SSH1: variants seen among roughly 807,000 people sequenced by gnomAD.
SSH1 encodes protein phosphatase Slingshot homolog 1.
A neutral mutation model predicts 79.7 loss-of-function variants in SSH1; 43 were observed. The ratio of observed to expected loss-of-function variants is 0.54; its 90% CI spans 0.42 to 0.70. The LOEUF (loss-of-function observed/expected upper bound fraction) is 0.70. SSH1 is among the 30% of genes least tolerant of loss of function. The pLI is 0.00. For missense variants in SSH1, 1,206 were observed against 1,358.8 expected (o/e 0.89, Z 1.77); for synonymous variants, 599 against 538.3 (o/e 1.11, Z -1.56).
chr12:108,854,444 G>A (rs1193546291), intron 1 of SSH1, among the ~76,000 whole-genome samples: 2 of 152,216 alleles, frequency 1.3e-5, no homozygotes, highest in Non-Finnish European at 2.9e-5. Context: ...CAAAGGAACT[G>A]AGATAAGATT....
chr12:108,801,021 A>C, intron 11 of SSH1, 95 bp from the exon 12 acceptor site: 1 of 1,259,790 alleles, frequency 7.9e-7, no homozygotes, highest in Non-Finnish European at 1.1e-6. Context: ...AAAAGGAAAC[A>C]CACATTAACC....
intron 2 of SSH1, among the ~76,000 whole-genome samples, chr12:108,844,584 T>G (rs1017945018): frequency 6.6e-6 from 1 of 152,238 alleles, no homozygotes; most frequent in Non-Finnish European, 1.5e-5. Context: ...ACAGATTGAC[T>G]GGTGGGCAGA....
chr12:108,820,798 G>C (rs1180914354), intron 3 of SSH1, among the ~76,000 whole-genome samples: 1 of 152,174 alleles, frequency 6.6e-6, no homozygotes, highest in Non-Finnish European at 1.5e-5. Flanking sequence ...GGAAAAAAAG[G>C]AACTAACGTA....
At chr12:108,833,757 T>G (rs1309189044) in intron 2 of SSH1, 1 of 152,254 alleles carries the variant, frequency 6.6e-6, no homozygotes, top group Admixed American at 6.5e-5. Context: ...TAAGATGCAG[T>G]AAGTGTGACC....
intron 2 of SSH1, 72 bp from the exon 3 acceptor site, chr12:108,823,433 G>T: frequency 7.7e-7 from 1 of 1,297,522 alleles, no homozygotes. Context: ...ATTACTGCAG[G>T]GGAAAAAGCT....
intron 14 of SSH1, chr12:108,791,873 G>C (rs1196272305): frequency 8.5e-7 from 1 of 1,176,456 alleles, no homozygotes; most frequent in African/African-American, 1.6e-5. Flanking sequence ...GGGGAAGTGG[G>C]TGGTAGGGGT....
chr12:108,816,644 CG>C (rs552583409), intron 5 of SSH1, among the ~76,000 whole-genome samples: 56 of 152,300 alleles, frequency 3.7e-4, no homozygotes, highest in Admixed American at 2.9e-3. Context: ...TACTTCTCCC[CG>C]GGCCCCTCTG....
At position 108,788,722 on chromosome 12, in the gene SSH1, G is replaced by T. The variant is rs1417346719; in HGVS notation, c.2416C>A (p.Leu806Met). The change falls in exon 15 of 15, where the codon CTG (leucine) becomes ATG (methionine). Residue 806 changes from leucine (L) to methionine (M), a missense_variant. By Grantham distance (15) the Leu-to-Met change is conservative. Transcript: ENST00000326495. ...ESEKPTTNSYLMQHQESIIQL... is the reference protein window; with the variant it reads ...ESEKPTTNSYMMQHQESIIQL... Reference sequence around the variant, plus strand: ...ATGATGGACTCCTGGTGCTGCATCAGGTAGCTGTTGGTTGTCGGCTTCTCA... The same window carrying T: ...ATGATGGACTCCTGGTGCTGCATCATGTAGCTGTTGGTTGTCGGCTTCTCA... The T allele has an allele frequency of 6.2e-7, 1 of 1,614,254 alleles. No individual in the cohort carries two copies. Among genetic ancestry groups the T allele is most frequent in the East Asian group, 2.2e-5 (1 of 44,888 alleles).
At chr12:108,791,907 A>T (rs892042419) in intron 14 of SSH1, 1 of 1,296,098 alleles carries the variant, frequency 7.7e-7, no homozygotes, top group African/African-American at 1.5e-5. Context: ...ATAGTCATAT[A>T]TCGATAAAGG....
chr12:108,838,343 G>A (rs184319269), intron 2 of SSH1, among the ~76,000 whole-genome samples: 13 of 152,338 alleles, frequency 8.5e-5, no homozygotes, highest in African/African-American at 2.9e-4. Context: ...CAGAGCAGAA[G>A]AGAACGATGA....
In SSH1 at chr12:108,857,237, C is replaced by T. The variant is rs1377274525; in HGVS notation, c.69+191G>A. On this transcript the variant is annotated intron_variant, in intron 1 of 14. Coordinates refer to ENST00000326495, the MANE Select transcript of SSH1 (RefSeq NM_018984.4). The surrounding 1 kb of genome is among the most constrained non-coding windows in gnomAD (Gnocchi z 4.7). ...CGCACACAAAGTCCCCGCACAGCTC[C>T]CCAAGACAGGGTCACATCGCACACA... Among the ~76,000 whole-genome samples the T allele has an allele frequency of 6.6e-6, 1 of 152,126 alleles. No individual in the cohort carries two copies. The highest frequency in any genetic ancestry group is 6.5e-5 in the Admixed American group (1 of 15,286).
intron 2 of SSH1, among the ~76,000 whole-genome samples, chr12:108,848,708 T>C (rs2038955110): frequency 6.6e-6 from 1 of 152,164 alleles, no homozygotes; most frequent in South Asian, 2.1e-4. Flanking sequence ...AAGGTGAGTG[T>C]GACGTCAAGG....
intron 2 of SSH1, among the ~76,000 whole-genome samples, chr12:108,844,924 T>G (rs891746969): frequency 5.3e-5 from 8 of 151,548 alleles, no homozygotes; most frequent in Non-Finnish European, 1.0e-4. Flanking sequence ...GCCTGACCAA[T>G]ACGGTGAAAC....
Position 108,852,996 on chromosome 12 carries a change from G to C in SSH1, c.70-318C>G, listed in dbSNP as rs1435665646. On this transcript the variant is annotated intron_variant, in intron 1 of 14. Coordinates refer to ENST00000326495, the MANE Select transcript of SSH1 (RefSeq NM_018984.4). The stretch of plus-strand genomic sequence containing the variant: ...TTTAGCCCTCAGCCCTCAACTTTCC[G>C]AGGTTGTTCTGGACCTTATCCTGTT... 5.1e-6 allele frequency: 5 copies of C among 985,254 alleles called. No homozygotes were observed. In the Admixed American group the frequency reaches 2.5e-4, roughly 49 times the overall value. 61.0% of individuals were successfully genotyped at this position (985,254 alleles called of 1,614,324 possible). A position where few individuals can be genotyped will look rare whatever the true frequency, so the allele number is the denominator to read the frequency against.
At chr12:108,855,122 G>A (rs747029341) in intron 1 of SSH1, among the ~76,000 whole-genome samples, 7 of 152,014 alleles carry the variant, frequency 4.6e-5, no homozygotes, top group Non-Finnish European at 8.8e-5. Context: ...AACAAAATGT[G>A]GTACATCCAT....
In SSH1 at chr12:108,849,272, G is replaced by A. The variant is rs531035150; in HGVS notation, c.110+3366C>T. 2.0e-5 allele frequency among the ~76,000 whole-genome samples: 3 copies of A among 152,342 alleles called. No homozygotes were observed. The South Asian group carries it at 6.2e-4, about 32-fold the overall frequency. On this transcript the variant is annotated intron_variant, in intron 2 of 14. Coordinates refer to ENST00000326495, the MANE Select transcript of SSH1 (RefSeq NM_018984.4). ...CTTTTATTAGCAAGAAAAGGGCCAG[G>A]TGCAGTGACTGTCATCACGCCTGTA...
intron 2 of SSH1, among the ~76,000 whole-genome samples, chr12:108,845,941 G>C (rs533976445): frequency 6.6e-6 from 1 of 152,332 alleles, no homozygotes; most frequent in African/African-American, 2.4e-5. Flanking sequence ...AGGTGCAAAA[G>C]TAGGGGTGTT....
chr12:108,853,018 TGTTTTTCTCTTTTAAGGG>T (rs1339594872), intron 1 of SSH1: 1 of 985,314 alleles, frequency 1.0e-6, no homozygotes, highest in East Asian at 1.1e-4. Context: ...GACCTTATCC[TGTTTTTCTCTTTTAAGGG>T]GAGGGGGTCA....
At chr12:108,829,887 AC>A (rs1453411779) in intron 2 of SSH1, among the ~76,000 whole-genome samples, 1 of 152,020 alleles carries the variant, frequency 6.6e-6, no homozygotes, top group Admixed American at 6.6e-5. Flanking sequence ...GAATCAGTTG[AC>A]CCCTGGAGTT....
Sources: gnomAD v4.1 joint callset for allele counts (sites outside exome capture counted in the v4.1 genomes callset) on GRCh38, gnomAD v4.1.1 for gene constraint, Gnocchi (gnomAD v3.1) non-coding constraint, MANE v1.5 for transcripts, NCBI Gene and HGNC (gene_info 2026-07-23, HGNC 2026-07-21) for gene names.